Variants in RSRC1 observed in about 807,000 individuals in gnomAD.
RSRC1 encodes the protein arginine and serine rich coiled-coil 1.
Under a neutral mutation model 49.1 loss-of-function variants are expected in RSRC1, and 39 were observed. The observed-to-expected ratio is 0.79, with a 90% CI of 0.61 to 1.04. The LOEUF is 1.04. Among genes scored for constraint, RSRC1 ranks in the 50% least tolerant of loss-of-function variants. RSRC1 has a pLI of 0.00. For missense variants in RSRC1, 388 were observed against 402.4 expected, an observed-to-expected ratio of 0.96 and a Z score of 0.31; for synonymous variants, 143 against 130.8, an observed-to-expected ratio of 1.09 and a Z score of -0.63.
chr3:158,380,955 A>G (rs1732665356), intron 6 of RSRC1, among the ~76,000 whole-genome samples: 1 of 152,134 alleles, frequency 6.6e-6, no homozygotes. Flanking sequence ...TTTTTTTTAC[A>G]TAAATATTTT....
At chr3:158,328,737 G>A (rs1175070770) in intron 5 of RSRC1, among the ~76,000 whole-genome samples, 1 of 152,126 alleles carries the variant, frequency 6.6e-6, no homozygotes, top group Admixed American at 6.5e-5. Flanking sequence ...TTCTCGAGGA[G>A]TATCTTTGTG....
intron 4 of RSRC1, among the ~76,000 whole-genome samples, chr3:158,218,763 A>G (rs1048998482): frequency 3.3e-5 from 5 of 151,670 alleles, no homozygotes; most frequent in Non-Finnish European, 3.0e-5. Flanking sequence ...AATATCTTCC[A>G]TATGGCAAGA....
intron 7 of RSRC1, among the ~76,000 whole-genome samples, chr3:158,473,067 G>T (rs1314416703): frequency 6.6e-6 from 1 of 152,152 alleles, no homozygotes; most frequent in Non-Finnish European, 1.5e-5. Context: ...CTGTCGGTGG[G>T]ACTGTAAACT....
At chr3:158,487,949 G>GGGAAAAAAAAAAA (rs1553814781) in intron 7 of RSRC1, among the ~76,000 whole-genome samples, 1 of 28,920 alleles carries the variant, frequency 3.5e-5, no homozygotes, top group African/African-American at 1.3e-4. Flanking sequence ...TCCATCTCAA[G>GGGAAAAAAAAAAA]AAAAAAAAAA....
chr3:158,320,436 T>G (rs1237286381), intron 5 of RSRC1, among the ~76,000 whole-genome samples: 1 of 152,210 alleles, frequency 6.6e-6, no homozygotes, highest in African/African-American at 2.4e-5. Context: ...TTTTATTTTA[T>G]CTACACATTG....
At chr3:158,250,956 T>A (rs1250331915) in intron 4 of RSRC1, among the ~76,000 whole-genome samples, 1 of 152,194 alleles carries the variant, frequency 6.6e-6, no homozygotes, top group Non-Finnish European at 1.5e-5. Flanking sequence ...CTTGTAGTAC[T>A]TTCGTAGTTT....
chr3:158,161,881 A>T (rs1195110824), intron 3 of RSRC1, among the ~76,000 whole-genome samples: 1 of 152,202 alleles, frequency 6.6e-6, no homozygotes, highest in South Asian at 2.1e-4. Context: ...GGGGCTCAAA[A>T]TTTTTAAAAG....
chr3:158,125,550 T>G (rs1342135194), intron 3 of RSRC1, among the ~76,000 whole-genome samples: 1 of 152,218 alleles, frequency 6.6e-6, no homozygotes, highest in African/African-American at 2.4e-5. Flanking sequence ...CTGCTATTGA[T>G]GTCTAGTTTC....
At chr3:158,395,128 A>C (rs1310532445) in intron 6 of RSRC1, among the ~76,000 whole-genome samples, 1 of 152,182 alleles carries the variant, frequency 6.6e-6, no homozygotes, top group Admixed American at 6.6e-5. Context: ...GGCTAGATAT[A>C]GGCAGAAAAT....
At chr3:158,148,808 A>G (rs1021621842) in intron 3 of RSRC1, among the ~76,000 whole-genome samples, 6 of 148,172 alleles carry the variant, frequency 4.0e-5, no homozygotes, top group Non-Finnish European at 7.4e-5. Context: ...TTTGAGATGG[A>G]GTTTCACTCT....
chr3:158,445,505 G>C (rs944256486), intron 6 of RSRC1, among the ~76,000 whole-genome samples: 1 of 152,090 alleles, frequency 6.6e-6, no homozygotes, highest in Non-Finnish European at 1.5e-5. Context: ...GGCATGTCGT[G>C]GGGTGGGGGT....
intron 7 of RSRC1, among the ~76,000 whole-genome samples, chr3:158,530,187 A>G (rs1712300773): frequency 6.6e-6 from 1 of 151,996 alleles, no homozygotes; most frequent in South Asian, 2.1e-4. Flanking sequence ...AGAATTGTTT[A>G]GCCAACTTCC....
At chr3:158,304,832 A>T (rs1385821482) in intron 5 of RSRC1, among the ~76,000 whole-genome samples, 1 of 152,162 alleles carries the variant, frequency 6.6e-6, no homozygotes, top group Non-Finnish European at 1.5e-5. Context: ...TCTTCTTTCT[A>T]CAAGACCAAT....
chr3:158,456,225 A>G (rs889553977), intron 6 of RSRC1, among the ~76,000 whole-genome samples: 7 of 151,840 alleles, frequency 4.6e-5, no homozygotes, highest in African/African-American at 1.7e-4. Flanking sequence ...TTTAGAGACC[A>G]GATTCCTTTA....
At chr3:158,529,616 C>A (rs984973045) in intron 7 of RSRC1, among the ~76,000 whole-genome samples, 3 of 151,882 alleles carry the variant, frequency 2.0e-5, no homozygotes, top group African/African-American at 7.3e-5. Context: ...ACTTCTGCTA[C>A]CAGAACAGCT....
intron 3 of RSRC1, among the ~76,000 whole-genome samples, chr3:158,137,173 C>A (rs1450191591): frequency 6.6e-6 from 1 of 152,100 alleles, no homozygotes; most frequent in East Asian, 1.9e-4. Context: ...GATTATTAAA[C>A]CTATTGAATT....
chr3:158,362,824 G>A (rs1578388652), intron 6 of RSRC1, among the ~76,000 whole-genome samples: 1 of 152,140 alleles, frequency 6.6e-6, no homozygotes, highest in South Asian at 2.1e-4. Context: ...TGGGTCTAAA[G>A]AATTTAGAAG....
At chr3:158,151,255 G>A (rs1717520839) in intron 3 of RSRC1, among the ~76,000 whole-genome samples, 1 of 152,168 alleles carries the variant, frequency 6.6e-6, no homozygotes, top group Admixed American at 6.5e-5. Context: ...GGCTTGATGA[G>A]GAAGTGGATA....
At chr3:158,315,108 A>G (rs1363226804) in intron 5 of RSRC1, among the ~76,000 whole-genome samples, 3 of 152,132 alleles carry the variant, frequency 2.0e-5, no homozygotes, top group South Asian at 2.1e-4. Flanking sequence ...CTTAATGTGC[A>G]TATATGAAAC....
Sources: allele counts gnomAD v4.1 joint callset (sites outside exome capture counted in the v4.1 genomes callset), GRCh38; gene constraint gnomAD v4.1.1; transcripts MANE v1.5; gene names NCBI Gene and HGNC (gene_info 2026-07-23, HGNC 2026-07-21).